The following PIK3CB variants were observed in gnomAD, a reference collection of about 807,000 sequenced individuals.
PIK3CB encodes the protein phosphatidylinositol 4,5-bisphosphate 3-kinase catalytic subunit beta isoform.
PIK3CB carries 39 observed loss-of-function variants against 136.8 expected under a neutral mutation model. The ratio of observed to expected loss-of-function variants is 0.29; its 90% CI spans 0.22 to 0.37. PIK3CB has a LOEUF of 0.37. PIK3CB is among the 10% of genes least tolerant of loss of function. The pLI, the probability that PIK3CB is intolerant of heterozygous loss-of-function variation, is 1.00. For synonymous variants in PIK3CB, 428 were observed against 436.6 expected, an observed-to-expected ratio of 0.98 and a Z score of 0.25; for missense variants, 868 against 1,275.4, an observed-to-expected ratio of 0.68 and a Z score of 4.87.
rs375440567 is a variant in PIK3CB, at chr3:138,690,897, T to C, written c.2036+103A>G. ...AAAACCATATAAATGTTATAAACGG[T>C]TCAGAAAAAAACTAAAGCAGCTATT... On this transcript the variant is annotated intron_variant, in intron 15 of 23. Transcript: ENST00000674063. 5.1e-4 allele frequency: 444 copies of C among 870,382 alleles called. 6 individuals are homozygous for C. In the South Asian group the frequency reaches 8.0e-3, roughly 16 times the overall value. The allele number at this position is 870,382 out of a possible 1,614,324, so 53.9% of individuals were successfully genotyped here. A position where few individuals can be genotyped will look rare whatever the true frequency, so the allele number is the denominator to read the frequency against.
At chr3:138,673,645 A>G (rs2043584472) in intron 19 of PIK3CB, among the ~76,000 whole-genome samples, 1 of 152,162 alleles carries the variant, frequency 6.6e-6, no homozygotes, top group Admixed American at 6.5e-5. Flanking sequence ...TGAAAATAAA[A>G]CAAAGGCTTG....
rs1452161806 is a variant in PIK3CB, at chr3:138,652,726, T to A, written c.*2663A>T. 4.7e-6 allele frequency: 1 copy of A among 213,990 alleles called. No individual in the cohort carries two copies. Among genetic ancestry groups the A allele is most frequent in the African/African-American group, 2.3e-5 (1 of 44,326 alleles). The allele number at this position is 213,990 out of a possible 1,614,324, so 13.3% of individuals were successfully genotyped here. A position where few individuals can be genotyped will look rare whatever the true frequency, so the allele number is the denominator to read the frequency against. On this transcript the variant is annotated 3_prime_UTR_variant, in exon 24 of 24. Transcript: ENST00000674063. ...CTATAGTCGATAATTTAATTATAGA[T>A]CTTAAAATAACTAAAAGAGTATAAC...
chr3:138,669,597 A>G (rs2043491722), intron 19 of PIK3CB, among the ~76,000 whole-genome samples: 1 of 152,192 alleles, frequency 6.6e-6, no homozygotes, highest in African/African-American at 2.4e-5. Flanking sequence ...TAGCCAGCCT[A>G]TAAGATTTGC....
chr3:138,817,348 A>C (rs6805253), intron 1 of PIK3CB, among the ~76,000 whole-genome samples: 56,185 of 150,676 alleles, frequency 0.37, 12,416 homozygotes, highest in Admixed American at 0.55. Flanking sequence ...AAAAACACAA[A>C]AACAAAAACA....
intron 2 of PIK3CB, among the ~76,000 whole-genome samples, chr3:138,793,453 A>C (rs1172338720): frequency 6.6e-6 from 1 of 152,100 alleles, no homozygotes. Context: ...TAAAAATACA[A>C]AAATCAGTCG....
chr3:138,693,021 GAATA>G (rs1409547452), intron 14 of PIK3CB, among the ~76,000 whole-genome samples: 2 of 152,180 alleles, frequency 1.3e-5, no homozygotes, highest in African/African-American at 2.4e-5. Context: ...GTAGTGAAAG[GAATA>G]AATGACATTT....
chr3:138,813,930 G>T (rs758005895), intron 1 of PIK3CB, among the ~76,000 whole-genome samples: 2 of 152,112 alleles, frequency 1.3e-5, no homozygotes, highest in Non-Finnish European at 2.9e-5. Flanking sequence ...TGGTTTGAAG[G>T]AGGAATACAC....
chr3:138,738,317 G>A (rs1402369124), intron 5 of PIK3CB, among the ~76,000 whole-genome samples: 2 of 151,922 alleles, frequency 1.3e-5, no homozygotes, highest in Non-Finnish European at 2.9e-5. Context: ...GATTACAGGC[G>A]TGCACCACCA....
chr3:138,826,450 C>A (rs2108918145), intron 1 of PIK3CB: 2 of 715,290 alleles, frequency 2.8e-6, no homozygotes, highest in East Asian at 2.7e-5. Flanking sequence ...GATAACAATG[C>A]ACTGTAAACC....
intron 2 of PIK3CB, among the ~76,000 whole-genome samples, chr3:138,784,444 C>T (rs962976355): frequency 4.6e-5 from 7 of 152,106 alleles, no homozygotes; most frequent in Admixed American, 6.5e-5. Context: ...TCTCCGTCTC[C>T]GTCTCCCACT....
At chr3:138,781,641 A>C (rs1296753395) in intron 2 of PIK3CB, among the ~76,000 whole-genome samples, 3 of 152,000 alleles carry the variant, frequency 2.0e-5, no homozygotes, top group Non-Finnish European at 4.4e-5. Flanking sequence ...TTTTTAGTAG[A>C]GACTGGGTTT....
At chr3:138,796,336 G>C (rs2046108050) in intron 2 of PIK3CB, 127 bp downstream of exon 2, 3 of 131,548 alleles carry the variant, frequency 2.3e-5, no homozygotes, top group African/African-American at 8.7e-5. Flanking sequence ...AGTGAGCCGA[G>C]ATTGCACCAC....
At chr3:138,812,010 G>A (rs1285559962) in intron 1 of PIK3CB, among the ~76,000 whole-genome samples, 1 of 152,038 alleles carries the variant, frequency 6.6e-6, no homozygotes, top group Non-Finnish European at 1.5e-5. Context: ...AGGATTGCTT[G>A]AGCTCAAGAG....
chr3:138,692,129 C>A (rs1577079001), intron 14 of PIK3CB, among the ~76,000 whole-genome samples: 1 of 152,162 alleles, frequency 6.6e-6, no homozygotes, highest in South Asian at 2.1e-4. Flanking sequence ...AACCATTCTA[C>A]CTGTAAACAC....
intron 14 of PIK3CB, among the ~76,000 whole-genome samples, chr3:138,691,724 A>G (rs1477585771): frequency 6.6e-6 from 1 of 152,224 alleles, no homozygotes; most frequent in Non-Finnish European, 1.5e-5. Context: ...ACCCAGTCTC[A>G]GGTAATTCTT....
intron 1 of PIK3CB, among the ~76,000 whole-genome samples, chr3:138,817,666 T>C (rs984271154): frequency 2.0e-5 from 3 of 152,198 alleles, no homozygotes; most frequent in Admixed American, 2.0e-4. Flanking sequence ...AGTAGGCTGA[T>C]GGCCCAATTC....
intron 20 of PIK3CB, 101 bp from the exon 21 acceptor site, chr3:138,664,130 G>T: frequency 2.2e-6 from 3 of 1,376,438 alleles, no homozygotes; most frequent in South Asian, 1.3e-5. Flanking sequence ...ATTGTGAGGA[G>T]AACACAGAGC....
At chr3:138,831,276 A>AAAATT (rs1470060121) in intron 1 of PIK3CB, among the ~76,000 whole-genome samples, 15 of 135,698 alleles carry the variant, frequency 1.1e-4, no homozygotes, top group Non-Finnish European at 2.1e-4. Flanking sequence ...AAAATAAAAT[A>AAAATT]AAATAAAATT....
chr3:138,743,486 G>A (rs567889705), intron 4 of PIK3CB, among the ~76,000 whole-genome samples: 34 of 152,178 alleles, frequency 2.2e-4, no homozygotes, highest in Non-Finnish European at 4.0e-4. Context: ...TTTATTGTTT[G>A]GTTGATTCTC....
Sources: allele counts gnomAD v4.1 joint callset (sites outside exome capture counted in the v4.1 genomes callset), GRCh38; gene constraint gnomAD v4.1.1; transcripts MANE v1.5; gene names NCBI Gene and HGNC (gene_info 2026-07-23, HGNC 2026-07-21).